CMSS1: variants seen among roughly 807,000 people sequenced by gnomAD.
The protein encoded by CMSS1 is cms1 ribosomal small subunit homolog.
In CMSS1, 33 loss-of-function variants were observed where a neutral mutation model predicts 43.5. The ratio of observed to expected loss-of-function variants is 0.76; its 90% CI spans 0.57 to 1.01. The LOEUF (loss-of-function observed/expected upper bound fraction) is 1.01, where lower values mean the gene tolerates loss of function less well. CMSS1 is among the 50% of genes least tolerant of loss of function. CMSS1 has a pLI of 0.00. For synonymous variants in CMSS1, 115 were observed against 117.2 expected (o/e 0.98, Z 0.12); for missense variants, 313 against 326.4 (o/e 0.96, Z 0.32).
At chr3:99,906,144 A>G (rs1706608911) in intron 1 of CMSS1, among the ~76,000 whole-genome samples, 1 of 152,304 alleles carries the variant, frequency 6.6e-6, no homozygotes, top group African/African-American at 2.4e-5. Context: ...CAGTGAGCGG[A>G]GATCGCACCA....
intron 1 of CMSS1, among the ~76,000 whole-genome samples, chr3:100,134,007 TA>T (rs2066730769): frequency 1.3e-5 from 2 of 152,158 alleles, no homozygotes; most frequent in African/African-American, 4.8e-5. Context: ...TGCCAAAGGG[TA>T]CTCTTAACAG....
chr3:100,173,341 T>G (rs549307950), intron 8 of CMSS1, among the ~76,000 whole-genome samples: 1 of 152,322 alleles, frequency 6.6e-6, no homozygotes, highest in East Asian at 1.9e-4. Context: ...CCCTTACATA[T>G]GTTACCTCAT....
At chr3:100,107,877 T>TAAAAAAAA (rs11322494) in intron 1 of CMSS1, among the ~76,000 whole-genome samples, 4 of 130,060 alleles carry the variant, frequency 3.1e-5, no homozygotes, top group African/African-American at 5.9e-5. Flanking sequence ...GCAAGAGAAT[T>TAAAAAAAA]AAAAAAAAAA....
intron 1 of CMSS1, among the ~76,000 whole-genome samples, chr3:100,043,267 A>T (rs1432985285): frequency 6.6e-6 from 1 of 152,242 alleles, no homozygotes; most frequent in Non-Finnish European, 1.5e-5. Context: ...GAGAAAATAT[A>T]TGCAGAAAAT....
chr3:99,973,660 TAAG>T (rs1385431397), intron 1 of CMSS1, among the ~76,000 whole-genome samples: 13 of 152,178 alleles, frequency 8.5e-5, no homozygotes. Flanking sequence ...ACCACTTCTG[TAAG>T]AAGAATAATA....
At chr3:100,048,844 A>G (rs1446373744) in intron 1 of CMSS1, among the ~76,000 whole-genome samples, 1 of 152,214 alleles carries the variant, frequency 6.6e-6, no homozygotes, top group African/African-American at 2.4e-5. Flanking sequence ...TTAAAAAAAA[A>G]TCTGTTGTGC....
chr3:99,870,040 T>A lies in CMSS1; in HGVS notation c.64+51997T>A, dbSNP rs902451111. ...ACCCTCATTTTCTTTAGCTAATTTG[T>A]CTCTGTAGTGATATAATCAGTAGCT... On this transcript the variant is annotated intron_variant, in intron 1 of 9. Coordinates refer to ENST00000421999, the MANE Select transcript of CMSS1 (RefSeq NM_032359.4). 2.6e-5 allele frequency among the ~76,000 whole-genome samples: 4 copies of A among 152,348 alleles called. No homozygotes were observed. The Middle Eastern group carries it at 0.014, about 518-fold the overall frequency.
chr3:99,904,995 T>A (rs1285815127), intron 1 of CMSS1, among the ~76,000 whole-genome samples: 1 of 152,160 alleles, frequency 6.6e-6, no homozygotes, highest in East Asian at 1.9e-4. Context: ...ATTGGTGGCA[T>A]CCTCAGATCC....
intron 1 of CMSS1, among the ~76,000 whole-genome samples, chr3:100,008,184 G>A (rs1710042140): frequency 1.3e-5 from 2 of 152,138 alleles, no homozygotes; most frequent in South Asian, 4.1e-4. Context: ...CTACTAAGCA[G>A]TGGGAAGGAA....
At chr3:99,827,085 T>C (rs966607420) in intron 1 of CMSS1, among the ~76,000 whole-genome samples, 7 of 152,250 alleles carry the variant, frequency 4.6e-5, no homozygotes, top group Admixed American at 3.9e-4. Context: ...CTCCAAATAG[T>C]ATTCTCACTT....
At chr3:99,877,552 A>G (rs1705575330) in intron 1 of CMSS1, among the ~76,000 whole-genome samples, 2 of 152,090 alleles carry the variant, frequency 1.3e-5, no homozygotes, top group Non-Finnish European at 2.9e-5. Flanking sequence ...CATATACAGT[A>G]TACTAAGAGA....
intron 1 of CMSS1, among the ~76,000 whole-genome samples, chr3:99,872,442 A>T (rs1944848821): frequency 6.6e-6 from 1 of 151,978 alleles, no homozygotes; most frequent in Non-Finnish European, 1.5e-5. Context: ...TTTGCTGATA[A>T]TAACTCCTTT....
chr3:100,168,846 T>A (rs1428658801), intron 6 of CMSS1, among the ~76,000 whole-genome samples: 2 of 150,688 alleles, frequency 1.3e-5, no homozygotes, highest in East Asian at 3.9e-4. Context: ...GAGGATTATA[T>A]TCCTAGAGAT....
At chr3:100,164,938 A>G (rs2067054117) in intron 4 of CMSS1, among the ~76,000 whole-genome samples, 2 of 152,206 alleles carry the variant, frequency 1.3e-5, no homozygotes, top group African/African-American at 2.4e-5. Flanking sequence ...GCACTTAATT[A>G]GGATTTCAAG....
In CMSS1 at chr3:99,851,181, G is replaced by A. The variant is rs80157625; in HGVS notation, c.64+33138G>A. 21 of 844,150 alleles carry A rather than the reference G, an allele frequency of 2.5e-5. No homozygotes were observed. The East Asian group carries it at 5.2e-4, about 21-fold the overall frequency. The allele number at this position is 844,150 out of a possible 1,614,324, so 52.3% of individuals were successfully genotyped here. ...TTATGTAATTATATGAGCTGTGTCA[G>A]TTCATATACAATATGCAAAAGAGTT... On this transcript the variant is annotated intron_variant, in intron 1 of 9. Transcript: ENST00000421999.
chr3:100,085,830 A>G (rs546725874), intron 1 of CMSS1, among the ~76,000 whole-genome samples: 6 of 152,328 alleles, frequency 3.9e-5, no homozygotes, highest in African/African-American at 1.4e-4. Flanking sequence ...GTTTCTCTGG[A>G]GACCTCGACT....
At chr3:100,156,750 G>C (rs1172990862) in intron 2 of CMSS1, among the ~76,000 whole-genome samples, 7 of 152,126 alleles carry the variant, frequency 4.6e-5, no homozygotes, top group Non-Finnish European at 1.0e-4. Flanking sequence ...CAAGTAGCTG[G>C]GACTACAGGC....
chr3:100,152,882 C>A (rs1479128435), intron 2 of CMSS1, among the ~76,000 whole-genome samples: 1 of 152,094 alleles, frequency 6.6e-6, no homozygotes. Context: ...CTTCAAAGTC[C>A]AAAATTTCAT....
At chr3:100,139,765 C>T (rs1462887785) in intron 1 of CMSS1, among the ~76,000 whole-genome samples, 2 of 146,140 alleles carry the variant, frequency 1.4e-5, no homozygotes, top group African/African-American at 5.1e-5. Flanking sequence ...CCATTGCACT[C>T]CAGCCTGGGC....
Sources: gnomAD v4.1 joint callset for allele counts (sites outside exome capture counted in the v4.1 genomes callset) on GRCh38, gnomAD v4.1.1 for gene constraint, MANE v1.5 for transcripts, NCBI Gene and HGNC (gene_info 2026-07-23, HGNC 2026-07-21) for gene names.